Variants in NRF1 observed in about 807,000 individuals in gnomAD.
The protein encoded by NRF1 is nuclear respiratory factor 1, also known as alpha palindromic-binding protein.
In NRF1, 5 loss-of-function variants were observed where a neutral mutation model predicts 58.5. The observed-to-expected ratio is 0.09, with a 90% CI of 0.04 to 0.18. The LOEUF (loss-of-function observed/expected upper bound fraction) is 0.18. NRF1 is among the 10% of genes least tolerant of loss of function. The pLI, the probability that NRF1 is intolerant of heterozygous loss-of-function variation, is 1.00. For synonymous variants in NRF1, 224 were observed against 246.7 expected, an observed-to-expected ratio of 0.91 and a Z score of 0.86; for missense variants, 288 against 657.7, an observed-to-expected ratio of 0.44 and a Z score of 6.15.
chr7:129,614,929 T>C (rs891669308), intron 1 of NRF1, among the ~76,000 whole-genome samples: 2 of 152,206 alleles, frequency 1.3e-5, no homozygotes. Context: ...TTTAGAAGCA[T>C]TTTATGTAAA....
At chr7:129,682,079 C>G (rs1802325868) in intron 4 of NRF1, among the ~76,000 whole-genome samples, 1 of 57,688 alleles carries the variant, frequency 1.7e-5, no homozygotes, top group Admixed American at 2.2e-4. Context: ...GAGACCCTGT[C>G]TCAATCAGTT....
At chr7:129,647,045 T>A (rs1801422126) in intron 1 of NRF1, among the ~76,000 whole-genome samples, 1 of 152,172 alleles carries the variant, frequency 6.6e-6, no homozygotes, top group African/African-American at 2.4e-5. Flanking sequence ...TTCTTTTCTT[T>A]TTTTCTTCGA....
intron 4 of NRF1, among the ~76,000 whole-genome samples, chr7:129,683,306 T>TGAGA (rs1293702751): frequency 5.5e-4 from 78 of 142,442 alleles, no homozygotes; most frequent in African/African-American, 1.6e-3. Flanking sequence ...TGTGTGTGTG[T>TGAGA]GTGTGTGTGT....
At position 129,644,096 on chromosome 7, in the gene NRF1, C is replaced by T. The variant is rs1019825405; in HGVS notation, c.-6-13250C>T. On this transcript the variant is annotated intron_variant, in intron 1 of 10. Transcript: ENST00000393232. Reference sequence around the variant, plus strand: ...CCATGTCCTTGCAGTTTTGTCTTCTCTGTGCTCCCTTAACCCTTAGCAAAT... The same window carrying T: ...CCATGTCCTTGCAGTTTTGTCTTCTTTGTGCTCCCTTAACCCTTAGCAAAT... Among the ~76,000 whole-genome samples the T allele has an allele frequency of 5.3e-5, 8 of 152,196 alleles. No individual in the cohort carries two copies. The East Asian group carries it at 1.5e-3, about 29-fold the overall frequency.
chr7:129,731,767 C>T (rs757720773), intron 10 of NRF1, among the ~76,000 whole-genome samples: 8 of 152,082 alleles, frequency 5.3e-5, no homozygotes, highest in Non-Finnish European at 8.8e-5. Context: ...TGCCACACCG[C>T]GCTAATTTTT....
At chr7:129,689,865 T>G (rs1198727463) in intron 4 of NRF1, among the ~76,000 whole-genome samples, 2 of 152,114 alleles carry the variant, frequency 1.3e-5, no homozygotes, top group South Asian at 2.1e-4. Context: ...CACCTATCAG[T>G]TTTTTTTCTC....
chr7:129,682,124 A>G lies in NRF1; in HGVS notation c.465+4366A>G, dbSNP rs565154570. Among the ~76,000 whole-genome samples the G allele has an allele frequency of 5.3e-5, 8 of 151,142 alleles. No individual in the cohort carries two copies. In the South Asian group the frequency reaches 1.5e-3, roughly 28 times the overall value. Reference sequence around the variant, plus strand: ...ACCAGACATATATACATACCCAAGCATGTAGATCAAAAAGTTAGAAATGTA... The same window carrying G: ...ACCAGACATATATACATACCCAAGCGTGTAGATCAAAAAGTTAGAAATGTA... On this transcript the variant is annotated intron_variant, in intron 4 of 10. Coordinates refer to ENST00000393232, the MANE Select transcript of NRF1 (RefSeq NM_005011.5).
intron 4 of NRF1, among the ~76,000 whole-genome samples, chr7:129,682,603 G>A (rs1802343484): frequency 6.9e-6 from 1 of 145,392 alleles, no homozygotes; most frequent in South Asian, 2.2e-4. Context: ...AGGCAACATA[G>A]TGAGACCCTG....
intron 1 of NRF1, among the ~76,000 whole-genome samples, chr7:129,635,074 A>C (rs929050667): frequency 6.6e-6 from 1 of 152,176 alleles, no homozygotes; most frequent in African/African-American, 2.4e-5. Context: ...ATAGTGTATA[A>C]ATTTAAAAGG....
At chr7:129,735,990 G>A (rs533463594) in intron 10 of NRF1, among the ~76,000 whole-genome samples, 203 of 152,198 alleles carry the variant, frequency 1.3e-3, no homozygotes, top group Non-Finnish European at 2.3e-3. Context: ...GTGACAGAGC[G>A]AGACTCCGTC....
At chr7:129,721,028 G>A (rs1412426151) in intron 9 of NRF1, among the ~76,000 whole-genome samples, 1 of 151,652 alleles carries the variant, frequency 6.6e-6, no homozygotes, top group African/African-American at 2.4e-5. Context: ...CCATATATAT[G>A]TATATAAAAA....
At chr7:129,678,289 C>T (rs1802229122) in intron 4 of NRF1, among the ~76,000 whole-genome samples, 1 of 152,104 alleles carries the variant, frequency 6.6e-6, no homozygotes, top group African/African-American at 2.4e-5. Context: ...TCTTTTGCCC[C>T]TGCATACTTA....
chr7:129,626,191 A>T (rs1800915622), intron 1 of NRF1, among the ~76,000 whole-genome samples: 1 of 152,196 alleles, frequency 6.6e-6, no homozygotes, highest in Non-Finnish European at 1.5e-5. Flanking sequence ...AGGAAAATTC[A>T]TATTAAATAC....
intron 5 of NRF1, among the ~76,000 whole-genome samples, chr7:129,700,106 A>G (rs1242081127): frequency 6.6e-6 from 1 of 151,654 alleles, no homozygotes; most frequent in Non-Finnish European, 1.5e-5. Context: ...GCACCATTGC[A>G]CTCCAGCCTG....
intron 1 of NRF1, among the ~76,000 whole-genome samples, chr7:129,618,588 G>A (rs1319477070): frequency 6.6e-6 from 1 of 152,136 alleles, no homozygotes; most frequent in African/African-American, 2.4e-5. Flanking sequence ...TCAGCTACTC[G>A]GGAGGCTGAG....
chr7:129,681,177 G>A (rs1802299125), intron 4 of NRF1, among the ~76,000 whole-genome samples: 1 of 152,180 alleles, frequency 6.6e-6, no homozygotes, highest in Non-Finnish European at 1.5e-5. Flanking sequence ...AGGGGGTCCG[G>A]AGCCAGTGAT....
At chr7:129,671,580 A>G (rs1802048746) in intron 3 of NRF1, 37 bp downstream of exon 3, 1 of 1,105,628 alleles carries the variant, frequency 9.0e-7, no homozygotes, top group African/African-American at 1.5e-5. Context: ...ACTATTCCTC[A>G]AATACTTCCT....
At chr7:129,619,559 C>A (rs1800745869) in intron 1 of NRF1, among the ~76,000 whole-genome samples, 1 of 142,472 alleles carries the variant, frequency 7.0e-6, no homozygotes, top group African/African-American at 2.6e-5. Flanking sequence ...GAATAGATTT[C>A]TAGAGCATTA....
intron 9 of NRF1, among the ~76,000 whole-genome samples, chr7:129,725,727 A>T (rs529002691): frequency 6.6e-6 from 1 of 152,366 alleles, no homozygotes; most frequent in Admixed American, 6.5e-5. Context: ...AACTTTCTAT[A>T]AAAGCAAGTA....
Sources: gnomAD v4.1 joint callset for allele counts (sites outside exome capture counted in the v4.1 genomes callset) on GRCh38, gnomAD v4.1.1 for gene constraint, MANE v1.5 for transcripts, NCBI Gene and HGNC (gene_info 2026-07-23, HGNC 2026-07-21) for gene names.